Variants in SSPN observed in about 807,000 individuals in gnomAD.
The protein encoded by SSPN is sarcospan, also known as K-ras oncogene-associated protein.
SSPN carries 15 observed loss-of-function variants against 19.1 expected under a neutral mutation model. The ratio of observed to expected loss-of-function variants is 0.78; its 90% CI spans 0.52 to 1.21. SSPN has a LOEUF of 1.21. Ranked by LOEUF, SSPN falls within the 50% of genes most tolerant of loss-of-function variation. SSPN has a pLI of 0.00. For synonymous variants in SSPN, 147 were observed against 140.3 expected (o/e 1.05, Z -0.34); for missense variants, 291 against 314.0 (o/e 0.93, Z 0.55).
chr12:26,168,999 T>C (rs1241760789), intron 1 of SSPN, among the ~76,000 whole-genome samples: 1 of 150,426 alleles, frequency 6.6e-6, no homozygotes, highest in Non-Finnish European at 1.5e-5. Context: ...TTTTTTTTTA[T>C]TTTTTTAAAG....
chr12:26,201,024 T>TATATATATTATATATATATATATA (rs1944875245), intron 1 of SSPN, among the ~76,000 whole-genome samples: 1 of 31,312 alleles, frequency 3.2e-5, no homozygotes, highest in African/African-American at 2.1e-4. Context: ...TATATATATA[T>TATATATATTATATATATATATATA]ATATATATAT....
chr12:26,208,600 C>A (rs978551849), intron 1 of SSPN, among the ~76,000 whole-genome samples: 4 of 151,202 alleles, frequency 2.6e-5, no homozygotes, highest in Admixed American at 2.0e-4. Flanking sequence ...TTTATCAGTT[C>A]TTTTTTTTAT....
intron 1 of SSPN, among the ~76,000 whole-genome samples, chr12:26,215,909 C>A (rs748925365): frequency 3.9e-5 from 6 of 152,170 alleles, no homozygotes; most frequent in Non-Finnish European, 5.9e-5. Context: ...ACAAATGGAG[C>A]CAACACCTTT....
rs1944349896 is a variant in SSPN, at chr12:26,124,890, T to C, written c.-31+2738T>C. 1.0e-5 allele frequency: 11 copies of C among 1,074,042 alleles called. No individual in the cohort carries two copies. In the Admixed American group the frequency reaches 1.5e-4, roughly 15 times the overall value. 66.5% of individuals were successfully genotyped at this position (1,074,042 alleles called of 1,614,324 possible). A position where few individuals can be genotyped will look rare whatever the true frequency, so the allele number is the denominator to read the frequency against. ...GGGATCTGTGCGTCTCCAGTCTCTC[T>C]CTCGCTCTCCCTCTTCAGTGCAGTG... On this transcript the variant is annotated intron_variant, in intron 1 of 2. Transcript: ENST00000538142.
At chr12:26,132,367 A>G (rs1433231528) in intron 1 of SSPN, among the ~76,000 whole-genome samples, 1 of 152,226 alleles carries the variant, frequency 6.6e-6, no homozygotes. Context: ...AATGGATTAA[A>G]TTTCTCTTAA....
intron 1 of SSPN, among the ~76,000 whole-genome samples, chr12:26,169,054 T>C (rs1944638725): frequency 6.6e-6 from 1 of 151,432 alleles, no homozygotes; most frequent in South Asian, 2.1e-4. Flanking sequence ...CTTAAGGTAA[T>C]GATGGTCATC....
At chr12:26,179,813 T>C (rs77492213) in intron 1 of SSPN, among the ~76,000 whole-genome samples, 3,840 of 152,010 alleles carry the variant, frequency 0.025, 63 homozygotes, top group Middle Eastern at 0.085. Flanking sequence ...GTAGTTTCTC[T>C]ACAACCCTCA....
rs566832736 is a variant in SSPN, at chr12:26,159,840, C to G, written c.-31+37688C>G. 2.0e-5 allele frequency among the ~76,000 whole-genome samples: 3 copies of G among 152,332 alleles called. No individual in the cohort carries two copies. The South Asian group carries it at 6.2e-4, about 32-fold the overall frequency. ...CAGCAAATGCTCCCTGAGTGGCATC[C>G]TGAGTACCAAGCCCAGTGCCTGGGA... On this transcript the variant is annotated intron_variant, in intron 1 of 2. Coordinates refer to the SSPN transcript ENST00000538142.
intron 1 of SSPN, among the ~76,000 whole-genome samples, chr12:26,143,680 A>T (rs1230071249): frequency 1.3e-5 from 2 of 152,220 alleles, no homozygotes; most frequent in Non-Finnish European, 2.9e-5. Context: ...GTTAGAAAGA[A>T]ATACTTGACA....
intron 2 of SSPN, among the ~76,000 whole-genome samples, chr12:26,226,868 T>C (rs575027365): frequency 1.2e-4 from 18 of 151,938 alleles, no homozygotes; most frequent in Admixed American, 9.2e-4. Context: ...GGTAATTAAA[T>C]TGGAGCAGAA....
intron 1 of SSPN, among the ~76,000 whole-genome samples, chr12:26,163,032 C>CGT (rs138827156): frequency 0.14 from 21,118 of 145,956 alleles, 1,520 homozygotes; most frequent in South Asian, 0.27. Flanking sequence ...TGCTTCAAGA[C>CGT]GTGTGTGTGT....
chr12:26,232,326 G>A lies in SSPN; in HGVS notation c.*1250G>A. On this transcript the variant is annotated 3_prime_UTR_variant, in exon 3 of 3. Transcript: ENST00000242729. ...TTAGTTGTTTTGTTTTTAAGTGACTGTGGTTTAAAGCACAAATGCCCCAAG... is the reference window on the plus strand; with the variant it reads ...TTAGTTGTTTTGTTTTTAAGTGACTATGGTTTAAAGCACAAATGCCCCAAG... The A allele has an allele frequency of 2.0e-6, 2 of 985,380 alleles. No homozygotes were observed. The highest frequency in any genetic ancestry group is 3.5e-5 in the African/African-American group (2 of 57,338). 61.0% of individuals were successfully genotyped at this position (985,380 alleles called of 1,614,324 possible).
chr12:26,135,788 G>T (rs929345867), intron 1 of SSPN, among the ~76,000 whole-genome samples: 1 of 152,218 alleles, frequency 6.6e-6, no homozygotes, highest in African/African-American at 2.4e-5. Context: ...CTGGGTCTGA[G>T]TTCACACCTG....
chr12:26,231,829 A>G lies in SSPN; in HGVS notation c.*753A>G. ...AATAATTACATTATGCTTCTATTCTATCATCTAAAACAAATCATTAAAACT... is the reference window on the plus strand; with the variant it reads ...AATAATTACATTATGCTTCTATTCTGTCATCTAAAACAAATCATTAAAACT... On this transcript the variant is annotated 3_prime_UTR_variant, in exon 3 of 3. Transcript: ENST00000242729. 1.8e-6 allele frequency: 1 copy of G among 565,916 alleles called. No individual in the cohort carries two copies. Among genetic ancestry groups the G allele is most frequent in the South Asian group, 7.8e-5 (1 of 12,862 alleles). 35.1% of individuals were successfully genotyped at this position (565,916 alleles called of 1,614,324 possible).
chr12:26,151,710 G>A lies in SSPN; in HGVS notation c.-31+29558G>A, dbSNP rs75820623. Among the ~76,000 whole-genome samples, 904 of 152,194 alleles carry A rather than the reference G, an allele frequency of 5.9e-3. 3 individuals are homozygous for A. Among genetic ancestry groups the A allele is most frequent in the Middle Eastern group, 0.014 (4 of 294 alleles). ...CCTCAGCATGCATAAAGGTTACCGTGGTCCAGGAGGATCTAGTACAAATTT... is the reference window on the plus strand; with the variant it reads ...CCTCAGCATGCATAAAGGTTACCGTAGTCCAGGAGGATCTAGTACAAATTT... On this transcript the variant is annotated intron_variant, in intron 1 of 2. Coordinates refer to the SSPN transcript ENST00000538142.
intron 1 of SSPN, among the ~76,000 whole-genome samples, chr12:26,137,657 T>TATATATATATATATATATATATATA (rs35203550): frequency 1.2e-4 from 4 of 32,180 alleles, no homozygotes; most frequent in African/African-American, 3.1e-4. Flanking sequence ...TATATATATA[T>TATATATATATATATATATATATATA]TTTTTTTTTT....
intron 1 of SSPN, among the ~76,000 whole-genome samples, chr12:26,205,905 T>G (rs1041738831): frequency 1.3e-5 from 2 of 152,242 alleles, no homozygotes; most frequent in African/African-American, 4.8e-5. Flanking sequence ...AGGTTGGCTT[T>G]GTCTCATAAT....
intron 1 of SSPN, among the ~76,000 whole-genome samples, chr12:26,136,533 A>G (rs1944426004): frequency 6.6e-6 from 1 of 152,198 alleles, no homozygotes; most frequent in Non-Finnish European, 1.5e-5. Context: ...CCATCCTAGT[A>G]GGTGAGCAAT....
chr12:26,202,469 AT>A (rs1201221146), intron 1 of SSPN, among the ~76,000 whole-genome samples: 1 of 152,242 alleles, frequency 6.6e-6, no homozygotes, highest in East Asian at 1.9e-4. Flanking sequence ...CAGGAAGGTC[AT>A]TTGACTTATA....
Sources: allele counts gnomAD v4.1 joint callset (sites outside exome capture counted in the v4.1 genomes callset), GRCh38; gene constraint gnomAD v4.1.1; transcripts MANE v1.5; gene names NCBI Gene and HGNC (gene_info 2026-07-23, HGNC 2026-07-21).